UXS1: variants seen among roughly 807,000 people sequenced by gnomAD.
UXS1 encodes UDP-glucuronic acid decarboxylase 1.
In UXS1, 33 loss-of-function variants were observed where a neutral mutation model predicts 62.6. The ratio of observed to expected loss-of-function variants is 0.53; its 90% CI spans 0.40 to 0.70. UXS1 has a LOEUF of 0.70. Among genes scored for constraint, UXS1 ranks in the 30% least tolerant of loss-of-function variants. The pLI, the probability that UXS1 is intolerant of heterozygous loss-of-function variation, is 0.00. For synonymous variants in UXS1, 213 were observed against 206.8 expected, an observed-to-expected ratio of 1.03 and a Z score of -0.26; for missense variants, 434 against 556.3, an observed-to-expected ratio of 0.78 and a Z score of 2.21.
intron 2 of UXS1, 33 bp from the exon 3 acceptor site, chr2:106,164,832 GACTTTA>G (rs773988869): frequency 4.0e-6 from 6 of 1,492,416 alleles, no homozygotes; most frequent in Non-Finnish European, 4.5e-6. Context: ...AAGGCTTTGT[GACTTTA>G]AGACTGTTTC....
intron 5 of UXS1, among the ~76,000 whole-genome samples, chr2:106,147,996 A>AT (rs1220610204): frequency 1.3e-5 from 2 of 152,228 alleles, no homozygotes; most frequent in African/African-American, 4.8e-5. Context: ...GATAGCTTTC[A>AT]TTTGGCTTTA....
At chr2:106,112,030 GGGCTGTGGGAACA>G (rs2104882211) in intron 10 of UXS1, among the ~76,000 whole-genome samples, 1 of 152,306 alleles carries the variant, frequency 6.6e-6, no homozygotes, top group African/African-American at 2.4e-5. Flanking sequence ...GGAGGCCAGA[GGGCTGTGGGAACA>G]GGTGTGGAAT....
At chr2:106,180,499 C>T in intron 1 of UXS1, among the ~76,000 whole-genome samples, 1 of 152,140 alleles carries the variant, frequency 6.6e-6, no homozygotes, top group East Asian at 1.9e-4. Context: ...ATTTCAGTAA[C>T]AATTATGTGA....
chr2:106,119,453 G>C (rs1001649667), intron 9 of UXS1, among the ~76,000 whole-genome samples: 2 of 152,116 alleles, frequency 1.3e-5, no homozygotes, highest in Non-Finnish European at 2.9e-5. Context: ...GGGCTGCGGG[G>C]AATTAACTGA....
chr2:106,129,303 C>G (rs563145677), intron 7 of UXS1, among the ~76,000 whole-genome samples: 1 of 152,316 alleles, frequency 6.6e-6, no homozygotes, highest in East Asian at 1.9e-4. Flanking sequence ...TGCCTCTTTC[C>G]AGCATGAGGC....
rs1678539788 is a variant in UXS1, at chr2:106,110,927, G to A, written c.879+1719C>T. On this transcript the variant is annotated intron_variant, in intron 10 of 14. Coordinates refer to ENST00000283148, the MANE Select transcript of UXS1 (RefSeq NM_001253875.2). ...AAGAAGGTTCCCTTAAGGAGAGGAT[G>A]AATGAACAAGAATGCCTGGAAGAAA... 1.3e-5 allele frequency among the ~76,000 whole-genome samples: 2 copies of A among 152,326 alleles called. 1 individual carries two copies. Among genetic ancestry groups the A allele is most frequent in the Middle Eastern group, 6.8e-3 (2 of 294 alleles).
intron 9 of UXS1, among the ~76,000 whole-genome samples, chr2:106,120,690 A>T (rs1359048344): frequency 2.6e-5 from 4 of 152,222 alleles, no homozygotes; most frequent in African/African-American, 9.6e-5. Flanking sequence ...TGTGACGGAA[A>T]GCAGCAAGCG....
intron 2 of UXS1, 114 bp downstream of exon 2, chr2:106,165,942 C>G (rs4851115): frequency 0.99 from 1,013,501 of 1,018,720 alleles, 504,294 homozygotes; most frequent in East Asian, 1. Context: ...CAAGAACCCA[C>G]TTTTGTTTTA....
intron 5 of UXS1, among the ~76,000 whole-genome samples, chr2:106,147,300 C>T (rs1681655158): frequency 6.6e-6 from 1 of 152,156 alleles, no homozygotes; most frequent in Admixed American, 6.6e-5. Context: ...ACACAACTGA[C>T]CAACGTTAAT....
intron 1 of UXS1, 145 bp downstream of exon 1, chr2:106,194,003 G>C: frequency 2.1e-6 from 1 of 477,960 alleles, no homozygotes. Context: ...GAAAGGGGTG[G>C]GAGCAGAAAG....
chr2:106,098,639 A>G, intron 13 of UXS1, 77 bp downstream of exon 13: 4 of 1,216,632 alleles, frequency 3.3e-6, no homozygotes, highest in Non-Finnish European at 4.8e-6. Flanking sequence ...TTAATTACCC[A>G]CTTTCTAGTC....
At chr2:106,120,165 G>C (rs997307873) in intron 9 of UXS1, among the ~76,000 whole-genome samples, 1 of 152,204 alleles carries the variant, frequency 6.6e-6, no homozygotes, top group Non-Finnish European at 1.5e-5. Flanking sequence ...TCCTACAAGG[G>C]AGCACAATAT....
At chr2:106,168,017 T>C (rs897999079) in intron 1 of UXS1, among the ~76,000 whole-genome samples, 1 of 152,042 alleles carries the variant, frequency 6.6e-6, no homozygotes, top group Non-Finnish European at 1.5e-5. Flanking sequence ...CAAAATTAGC[T>C]GGGCATGGTG....
At chr2:106,108,007 C>T (rs1678234787) in intron 10 of UXS1, among the ~76,000 whole-genome samples, 1 of 152,256 alleles carries the variant, frequency 6.6e-6, no homozygotes, top group African/African-American at 2.4e-5. Context: ...ACGCCCACTG[C>T]ATACCCCCAC....
intron 6 of UXS1, among the ~76,000 whole-genome samples, chr2:106,137,289 C>G (rs1036203077): frequency 6.6e-6 from 1 of 152,168 alleles, no homozygotes; most frequent in African/African-American, 2.4e-5. Flanking sequence ...CACAAAGTCC[C>G]ATAATTCTAA....
At chr2:106,143,657 C>T (rs1156877599) in intron 6 of UXS1, among the ~76,000 whole-genome samples, 1 of 152,114 alleles carries the variant, frequency 6.6e-6, no homozygotes, top group African/African-American at 2.4e-5. Context: ...GGCTGTGTTC[C>T]TTTCTTCAGA....
Position 106,125,485 on chromosome 2 carries a change from C to G in UXS1, c.637+135G>C, listed in dbSNP as rs1679859010. On this transcript the variant is annotated intron_variant, in intron 8 of 14. Transcript: ENST00000283148. ...GGAGCTTGGCGACCCGGGAGGCCGACAGGTAGCCTCCTGTGCACAAGAGGA... is the reference window on the plus strand; with the variant it reads ...GGAGCTTGGCGACCCGGGAGGCCGAGAGGTAGCCTCCTGTGCACAAGAGGA... The G allele has an allele frequency of 6.4e-6, 5 of 779,792 alleles. No individual in the cohort carries two copies. The Admixed American group carries it at 2.0e-4, about 32-fold the overall frequency. The allele number at this position is 779,792 out of a possible 1,614,324, so 48.3% of individuals were successfully genotyped here.
At chr2:106,187,448 A>G (rs10202099) in intron 1 of UXS1, among the ~76,000 whole-genome samples, 149,288 of 152,292 alleles carry the variant, frequency 0.98, 73,230 homozygotes, top group South Asian at 1. Context: ...TGTGTCCCGA[A>G]TGAATTTATG....
intron 1 of UXS1, among the ~76,000 whole-genome samples, chr2:106,170,818 T>C (rs1202831823): frequency 6.6e-6 from 1 of 152,260 alleles, no homozygotes; most frequent in Non-Finnish European, 1.5e-5. Flanking sequence ...AGTTAAACAT[T>C]ACTTTAAATT....
Sources: allele counts gnomAD v4.1 joint callset (sites outside exome capture counted in the v4.1 genomes callset), GRCh38; gene constraint gnomAD v4.1.1; transcripts MANE v1.5; gene names NCBI Gene and HGNC (gene_info 2026-07-23, HGNC 2026-07-21).